Variants in ZBTB32 observed in about 807,000 individuals in gnomAD.
ZBTB32 encodes zinc finger and BTB domain containing 32.
In ZBTB32, 28 loss-of-function variants were observed where a neutral mutation model predicts 45.3. The observed-to-expected ratio is 0.62, with a 90% CI of 0.46 to 0.85. The LOEUF is 0.85. ZBTB32 is among the 40% of genes least tolerant of loss of function. ZBTB32 has a pLI of 0.00. For missense variants in ZBTB32, 587 were observed against 624.4 expected (o/e 0.94, Z 0.64); for synonymous variants, 283 against 255.7 (o/e 1.11, Z -1.02).
rs887993960 is a variant in ZBTB32 at position 35,715,816 on chromosome 19, C to T, written c.941C>T (p.Ser314Phe). 1 of 1,613,760 alleles carries T rather than the reference C, an allele frequency of 6.2e-7. No individual in the cohort carries two copies. The highest frequency in any genetic ancestry group is 1.1e-5 in the South Asian group (1 of 91,042). The change falls in exon 4 of 7, where the codon TCC (serine) becomes TTC (phenylalanine). Residue 314 changes from serine (S) to phenylalanine (F), a missense_variant. Physicochemically the swap from Ser to Phe is radical, Grantham distance 155. Transcript: ENST00000392197. Reference protein sequence around the residue: ...GLWSQNQLASSSPTPGSLPQG... With the variant: ...GLWSQNQLASFSPTPGSLPQG... ...TGGAGCCAGAACCAGTTGGCCTCCT[C>T]CAGCCCTACCCCAGGTAAGCCCCTC...
intron 1 of ZBTB32, among the ~76,000 whole-genome samples, chr19:35,707,369 C>CTTTT (rs35043509): frequency 4.2e-5 from 5 of 119,668 alleles, no homozygotes; most frequent in African/African-American, 1.3e-4. Context: ...CTACCATTTT[C>CTTTT]TTTTTTTTTT....
chr19:35,714,916 C>G lies in ZBTB32; in HGVS notation c.290C>G (p.Ala97Gly). The G allele has an allele frequency of 6.3e-7, 1 of 1,582,814 alleles. No homozygotes were observed. The highest frequency in any genetic ancestry group is 8.6e-7 in the Non-Finnish European group (1 of 1,164,072). Residue 97 changes from alanine (A) to glycine (G), a missense_variant, in exon 3 of 7, where the codon GCC (alanine) becomes GGC (glycine). By Grantham distance (60) the Ala-to-Gly change is moderately conservative. Transcript: ENST00000392197. ...PGELRPLQEA[A>G]RALGVQSLEE... ...GAGCTAAGGCCCCTTCAGGAGGCGG[C>G]CAGGGCCTTGGGAGTGCAGTCCCTG...
Position 35,706,948 on chromosome 19 carries a change from A to G in ZBTB32, c.-222+2325A>G, listed in dbSNP as rs151191842. ...AGGAAGTCTAACCCCGAAACCAGTT[A>G]ATATTGGGGCAGCTCAATTGGCCAT... On this transcript the variant is annotated intron_variant, in intron 1 of 6. Coordinates refer to ENST00000392197, the MANE Select transcript of ZBTB32 (RefSeq NM_014383.3). 2.4e-3 allele frequency among the ~76,000 whole-genome samples: 367 copies of G among 152,228 alleles called. 1 individual carries two copies. Among genetic ancestry groups the G allele is most frequent in the African/African-American group, 8.4e-3 (349 of 41,544 alleles).
At chr19:35,710,681 A>C (rs1968664692) in intron 1 of ZBTB32, among the ~76,000 whole-genome samples, 1 of 152,192 alleles carries the variant, frequency 6.6e-6, no homozygotes, top group Non-Finnish European at 1.5e-5. Flanking sequence ...TTGAACCCAG[A>C]GGCAGAGGTT....
Position 35,715,817 on chromosome 19 carries a change from C to A in ZBTB32, c.942C>A (p.Ser314=). The change falls in exon 4 of 7, where the codon TCC becomes TCA. Residue 314 remains serine (S), a synonymous_variant. Coordinates refer to ENST00000392197, the MANE Select transcript of ZBTB32 (RefSeq NM_014383.3). The part of the protein sequence containing the change: ...GLWSQNQLAS[S]SPTPGSLPQG... ...GGAGCCAGAACCAGTTGGCCTCCTC[C>A]AGCCCTACCCCAGGTAAGCCCCTCG... The A allele has an allele frequency of 6.2e-7, 1 of 1,613,862 alleles. No homozygotes were observed. The highest frequency in any genetic ancestry group is 8.5e-7 in the Non-Finnish European group (1 of 1,179,904).
Position 35,716,657 on chromosome 19 carries a change from C to G in ZBTB32, c.1369C>G (p.Pro457Ala). ...MRGHSPSQLP[P>A]GWTIRSTFLY... The stretch of plus-strand genomic sequence containing the variant: ...CGGTCACTCGCCCAGCCAACTCCCG[C>G]CCGGATGGACCATCCGCTCCACCTT... Residue 457 changes from proline to alanine, a missense_variant, in exon 7 of 7, where the codon CCC becomes GCC. By Grantham distance (27) the Pro-to-Ala change is conservative. Transcript: ENST00000392197. The G allele has an allele frequency of 1.2e-6, 2 of 1,613,962 alleles. No individual in the cohort carries two copies. Among genetic ancestry groups the G allele is most frequent in the Non-Finnish European group, 1.7e-6 (2 of 1,179,968 alleles).
rs1485839739 is a variant in ZBTB32 at position 35,716,179 on chromosome 19, A to G, written c.1071A>G (p.Pro357=). ...CAGHEDKAGC[P]PRPHPPPAPP... ...GTCATGAGGACAAGGCAGGCTGCCCACCTCGCCCGCACCCTCCCCCGGCCC... is the reference window on the plus strand; with the variant it reads ...GTCATGAGGACAAGGCAGGCTGCCCGCCTCGCCCGCACCCTCCCCCGGCCC... The change falls in exon 6 of 7, where the codon CCA becomes CCG. Residue 357 remains proline (P), a synonymous_variant. Transcript: ENST00000392197. The G allele has an allele frequency of 6.2e-7, 1 of 1,613,274 alleles. No individual in the cohort carries two copies. The highest frequency in any genetic ancestry group is 8.5e-7 in the Non-Finnish European group (1 of 1,179,820).
rs139711327 is a variant in ZBTB32, at chr19:35,710,134, C to T, written c.-221-2783C>T. 5.8e-4 allele frequency among the ~76,000 whole-genome samples: 88 copies of T among 151,898 alleles called. 1 individual carries two copies. The East Asian group carries it at 0.014, about 24-fold the overall frequency. On this transcript the variant is annotated intron_variant, in intron 1 of 6. Coordinates refer to ENST00000392197, the MANE Select transcript of ZBTB32 (RefSeq NM_014383.3). ...GCTGAGGCAGGAGAATTGCTTGAAC[C>T]GGGAGGCGGAGGTTGCAGTGAGCCA...
At chr19:35,711,356 C>T (rs574245767) in intron 1 of ZBTB32, among the ~76,000 whole-genome samples, 4 of 152,290 alleles carry the variant, frequency 2.6e-5, no homozygotes, top group African/African-American at 9.6e-5. Context: ...ACATACATAT[C>T]AGAGGGACTG....
intron 1 of ZBTB32, among the ~76,000 whole-genome samples, chr19:35,705,043 C>T (rs971171051): frequency 1.2e-4 from 18 of 152,286 alleles, no homozygotes; most frequent in African/African-American, 4.1e-4. Context: ...CGGTGGCTCA[C>T]GCCTGTAATC....
At chr19:35,715,684 A>T in intron 3 of ZBTB32, 73 bp from the exon 4 acceptor site, 1 of 1,517,876 alleles carries the variant, frequency 6.6e-7, no homozygotes, top group African/African-American at 1.4e-5. Context: ...AGGACTTGGG[A>T]TACCCCCTCT....
At chr19:35,710,917 T>A (rs1968673963) in intron 1 of ZBTB32, among the ~76,000 whole-genome samples, 1 of 152,120 alleles carries the variant, frequency 6.6e-6, no homozygotes, top group Non-Finnish European at 1.5e-5. Flanking sequence ...AGGGTTGCAG[T>A]GCAAAGGGCC....
In ZBTB32 at chr19:35,715,402, A is replaced by G. The variant is rs142408020; in HGVS notation, c.776A>G (p.Gln259Arg). Residue 259 changes from glutamine (Q) to arginine (R), a missense_variant, in exon 3 of 7, where the codon CAG (glutamine) becomes CGG (arginine). Physicochemically the swap from Gln to Arg is conservative, Grantham distance 43. Transcript: ENST00000392197. ...WAEAPWLVGGQPALWSILLMP... is the reference protein window; with the variant it reads ...WAEAPWLVGGRPALWSILLMP... ...GAGGCCCCTTGGTTGGTGGGGGGCC[A>G]GCCTGCCCTGTGGAGCATCCTGCTG... 14 of 1,611,382 alleles carry G rather than the reference A, an allele frequency of 8.7e-6. No homozygotes were observed. The Middle Eastern group carries it at 5.0e-4, about 57-fold the overall frequency.
At position 35,716,768 on chromosome 19, in the gene ZBTB32, G is replaced by A. The variant is rs375000684; in HGVS notation, c.*16G>A. 15 of 1,592,396 alleles carry A rather than the reference G, an allele frequency of 9.4e-6. No homozygotes were observed. The highest frequency in any genetic ancestry group is 8.6e-7 in the Non-Finnish European group (1 of 1,163,718). ...CACCACCTGACGGGGTGTCGGTAGC[G>A]TCTTAGCCAAGAGTCCAATTAAAGA... On this transcript the variant is annotated 3_prime_UTR_variant, in exon 7 of 7. Transcript: ENST00000392197.
chr19:35,712,532 A>T lies in ZBTB32; in HGVS notation c.-221-385A>T, dbSNP rs2234363. Among the ~76,000 whole-genome samples the T allele has an allele frequency of 3.9e-3, 601 of 152,330 alleles. 32 individuals carry two copies. In the East Asian group the frequency reaches 0.11, roughly 27 times the overall value. ...GGATAAGAGAATAATAAGAAACAGA[A>T]AAAGAAAGTTGAGCCTCTAAGACCC... On this transcript the variant is annotated intron_variant, in intron 1 of 6. Transcript: ENST00000392197.
chr19:35,707,369 C>CTTTTTTT (rs35043509), intron 1 of ZBTB32, among the ~76,000 whole-genome samples: 3 of 119,672 alleles, frequency 2.5e-5, no homozygotes, highest in Non-Finnish European at 3.4e-5. Flanking sequence ...CTACCATTTT[C>CTTTTTTT]TTTTTTTTTT....
chr19:35,716,074 C>A, intron 5 of ZBTB32, 59 bp from the exon 6 acceptor site: 1 of 1,611,542 alleles, frequency 6.2e-7, no homozygotes, highest in Non-Finnish European at 8.5e-7. Flanking sequence ...CTGAATGGTA[C>A]AGTGAGTTGG....
intron 1 of ZBTB32, among the ~76,000 whole-genome samples, chr19:35,711,694 A>G (rs1177970227): frequency 6.6e-6 from 1 of 152,142 alleles, no homozygotes; most frequent in Non-Finnish European, 1.5e-5. Context: ...GCTTAGGGAC[A>G]GTATTTGCAT....
chr19:35,716,613 C>T lies in ZBTB32; in HGVS notation c.1325C>T (p.Ser442Phe). ...GGGGCCGGCTGTCCCAGCCTGGCCTCCATGCAGGCGCACATGCGCGGTCAC... is the reference window on the plus strand; with the variant it reads ...GGGGCCGGCTGTCCCAGCCTGGCCTTCATGCAGGCGCACATGCGCGGTCAC... ...LCGAGCPSLASMQAHMRGHSP... is the reference protein window; with the variant it reads ...LCGAGCPSLAFMQAHMRGHSP... The change falls in exon 7 of 7, where the codon TCC (serine) becomes TTC (phenylalanine). Residue 442 changes from serine to phenylalanine, a missense_variant. Coordinates refer to ENST00000392197, the MANE Select transcript of ZBTB32 (RefSeq NM_014383.3). 6.2e-7 allele frequency: 1 copy of T among 1,613,516 alleles called. No individual in the cohort carries two copies. The highest frequency in any genetic ancestry group is 8.5e-7 in the Non-Finnish European group (1 of 1,179,938).
Sources: gnomAD v4.1 joint callset for allele counts (sites outside exome capture counted in the v4.1 genomes callset) on GRCh38, gnomAD v4.1.1 for gene constraint, MANE v1.5 for transcripts, NCBI Gene and HGNC (gene_info 2026-07-23, HGNC 2026-07-21) for gene names.